The following NUP188 variants were observed in gnomAD, a reference collection of about 807,000 sequenced individuals.
The protein encoded by NUP188 is nucleoporin 188.
In NUP188, 97 loss-of-function variants were observed where a neutral mutation model predicts 223.0. The observed-to-expected ratio is 0.43, with a 90% CI of 0.37 to 0.51. NUP188 has a LOEUF of 0.51. NUP188 is among the 20% of genes least tolerant of loss of function. The pLI is 0.00. For synonymous variants in NUP188, 869 were observed against 828.0 expected (o/e 1.05, Z -0.85); for missense variants, 1,947 against 2,175.6 (o/e 0.89, Z 2.09).
intron 1 of NUP188, 100 bp from the exon 2 acceptor site, chr9:128,949,089 G>A: frequency 1.3e-6 from 1 of 771,016 alleles, no homozygotes; most frequent in Non-Finnish European, 2.2e-6. Flanking sequence ...TGTATATTGA[G>A]ATTTTTTGCT....
intron 12 of NUP188, among the ~76,000 whole-genome samples, chr9:128,975,226 C>CTTTTTTTTTTTTTTTT (rs540828761): frequency 1.5e-5 from 2 of 131,872 alleles, no homozygotes; most frequent in African/African-American, 6.0e-5. Context: ...TTTTCTTTTC[C>CTTTTTTTTTTTTTTTT]TTTTTTTTTT....
At chr9:128,979,434 C>A in intron 13 of NUP188, 107 bp downstream of exon 13, 1 of 733,866 alleles carries the variant, frequency 1.4e-6, no homozygotes, top group East Asian at 2.8e-5. Context: ...ATTTAATCTT[C>A]ATAAAAACGT....
rs377283804 is a variant in NUP188, at chr9:129,005,238, A to G, written c.4509+17A>G. On this transcript the variant is annotated intron_variant, in intron 39 of 43. Coordinates refer to ENST00000372577, the MANE Select transcript of NUP188 (RefSeq NM_015354.3). ...TACTTACAGGTAAGCGTCCTATGCCATGAGGTCCTGGAATACCTCACGCTA... is the reference window on the plus strand; with the variant it reads ...TACTTACAGGTAAGCGTCCTATGCCGTGAGGTCCTGGAATACCTCACGCTA... The G allele has an allele frequency of 3.7e-6, 6 of 1,612,928 alleles. No individual in the cohort carries two copies. In the African/African-American group the frequency reaches 4.0e-5, roughly 11 times the overall value.
At chr9:128,992,263 ATCTC>A (rs1842446926) in intron 25 of NUP188, among the ~76,000 whole-genome samples, 1 of 151,672 alleles carries the variant, frequency 6.6e-6, no homozygotes, top group Non-Finnish European at 1.5e-5. Flanking sequence ...CTGTGGCATG[ATCTC>A]ACTGCAGCCT....
In NUP188 at chr9:128,995,384, A is replaced by G. The variant is rs566820476; in HGVS notation, c.3221A>G (p.Tyr1074Cys). The change falls in exon 30 of 44, where the codon TAC becomes TGC. Residue 1074 changes from tyrosine to cysteine, a missense_variant. Around this residue, in one of 3 missense-constraint regions of NUP188, gnomAD observed 905 missense variants for 990.6 expected, o/e 0.91. Coordinates refer to ENST00000372577, the MANE Select transcript of NUP188 (RefSeq NM_015354.3). The part of the protein sequence containing the change: ...KKFSIEKRFA[Y>C]WSGYVKSLAV... ...TTTTCCATCGAGAAACGCTTTGCCT[A>G]CTGGTCAGGGTATGTCAAGTCATTG... 7.1e-5 allele frequency: 115 copies of G among 1,614,162 alleles called. No individual in the cohort carries two copies. The highest frequency in any genetic ancestry group is 9.1e-5 in the Non-Finnish European group (107 of 1,179,996).
chr9:128,972,051 T>C (rs538118704), intron 11 of NUP188, among the ~76,000 whole-genome samples: 38 of 151,824 alleles, frequency 2.5e-4, no homozygotes, highest in African/African-American at 8.0e-4. Flanking sequence ...GGATTACAGG[T>C]GTGAGCCACC....
intron 33 of NUP188, 112 bp from the exon 34 acceptor site, chr9:128,999,511 GT>G (rs1842599343): frequency 8.1e-7 from 1 of 1,229,632 alleles, no homozygotes; most frequent in South Asian, 1.4e-5. Context: ...GACAGATGCT[GT>G]CCCTCCTAGC....
chr9:129,001,410 G>A, intron 34 of NUP188, 119 bp from the exon 35 acceptor site: 1 of 810,642 alleles, frequency 1.2e-6, no homozygotes, highest in Non-Finnish European at 2.1e-6. Flanking sequence ...TGTTACTCAA[G>A]CTCACTTAGC....
chr9:129,006,839 T>C lies in NUP188; in HGVS notation c.*161T>C. The C allele has an allele frequency of 1.5e-6, 1 of 666,520 alleles. No individual in the cohort carries two copies. Among genetic ancestry groups the C allele is most frequent in the Non-Finnish European group, 2.4e-6 (1 of 416,232 alleles). The allele number at this position is 666,520 out of a possible 1,614,324, so 41.3% of individuals were successfully genotyped here. ...CCAGCCACCACCCACTGACGTTATT[T>C]TTATACTAGATGAAGAGGTCAACAG... is the stretch of plus-strand genomic sequence containing the variant. On this transcript the variant is annotated 3_prime_UTR_variant, in exon 44 of 44. Transcript: ENST00000372577.
chr9:128,993,283 T>G lies in NUP188; in HGVS notation c.2727T>G (p.Ile909Met). Residue 909 changes from isoleucine (I) to methionine (M), a missense_variant, in exon 26 of 44, where the codon ATT becomes ATG. Around this residue, in one of 3 missense-constraint regions of NUP188, gnomAD observed 225 missense variants for 319.1 expected, o/e 0.71. Coordinates refer to ENST00000372577, the MANE Select transcript of NUP188 (RefSeq NM_015354.3). ...DAFLTRLQSK[I>M]EDMRIKVMIL... ...TCCTGACCCGATTGCAGAGCAAAATTGAGGACATGCGCATCAAAGTCATGA... is the reference window on the plus strand; with the variant it reads ...TCCTGACCCGATTGCAGAGCAAAATGGAGGACATGCGCATCAAAGTCATGA... 6.2e-7 allele frequency: 1 copy of G among 1,614,184 alleles called. No homozygotes were observed. The highest frequency in any genetic ancestry group is 8.5e-7 in the Non-Finnish European group (1 of 1,180,020).
chr9:129,003,183 G>T, intron 37 of NUP188, 134 bp from the exon 38 acceptor site: 2 of 1,208,714 alleles, frequency 1.7e-6, no homozygotes, highest in Non-Finnish European at 2.3e-6. Context: ...AATCCTGGTT[G>T]TACCACTAAG....
rs773445054 is a variant in NUP188, at chr9:128,980,612, A to G, written c.1276A>G (p.Thr426Ala). The G allele has an allele frequency of 1.2e-6, 2 of 1,611,902 alleles. No homozygotes were observed. Among genetic ancestry groups the G allele is most frequent in the South Asian group, 1.1e-5 (1 of 90,590 alleles). ...LPELFWGTEP[T>A]SGLGIILDSV... is the part of the protein sequence containing the mutation. ...TTGTCCCCTTCCACCACAGGAGCCA[A>G]CTTCTGGCCTTGGGATCATTCTGGA... Residue 426 changes from threonine (T) to alanine (A), a missense_variant, in exon 14 of 44, where the codon ACT becomes GCT. Transcript: ENST00000372577.
chr9:128,990,098 A>T, intron 24 of NUP188, 22 bp from the exon 25 acceptor site: 1 of 1,561,450 alleles, frequency 6.4e-7, no homozygotes, highest in Non-Finnish European at 8.8e-7. Flanking sequence ...TGATATCTAA[A>T]CTGTTTCCTG....
chr9:128,968,010 C>T (rs538551464), intron 8 of NUP188, among the ~76,000 whole-genome samples: 97 of 152,170 alleles, frequency 6.4e-4, no homozygotes, highest in African/African-American at 2.0e-3. Context: ...GCCTTTAATC[C>T]CAGTGCTTTG....
Position 129,005,193 on chromosome 9 carries a change from G to A in NUP188, c.4481G>A (p.Ser1494Asn). The change falls in exon 39 of 44, where the codon AGT becomes AAT. Residue 1494 changes from serine to asparagine, a missense_variant. Ser to Asn is a conservative substitution (Grantham distance 46, BLOSUM62 1). This residue lies in a region of NUP188 where 905 missense variants were observed against 990.6 expected (regional missense o/e 0.91). Transcript: ENST00000372577. ...CAGGCATGTACCTCTCTCCTGCACA[G>A]TCGAAAGATGCTGCAGCATTACTTA... ...LCQACTSLLH[S>N]RKMLQHYLQN... 6.2e-7 allele frequency: 1 copy of A among 1,614,128 alleles called. No homozygotes were observed. Among genetic ancestry groups the A allele is most frequent in the South Asian group, 1.1e-5 (1 of 91,076 alleles).
chr9:128,985,826 A>T (rs1842324798), intron 20 of NUP188, among the ~76,000 whole-genome samples: 1 of 152,126 alleles, frequency 6.6e-6, no homozygotes, highest in Non-Finnish European at 1.5e-5. Context: ...CCTGAGGCTG[A>T]TCAGGAGTTT....
At chr9:128,973,125 C>G in intron 11 of NUP188, 35 bp from the exon 12 acceptor site, 2 of 1,402,194 alleles carry the variant, frequency 1.4e-6, no homozygotes. Context: ...AGTTGTATTA[C>G]TCAGAATGAT....
intron 25 of NUP188, 50 bp downstream of exon 25, chr9:128,990,276 T>TC: frequency 7.1e-7 from 1 of 1,414,154 alleles, no homozygotes; most frequent in Non-Finnish European, 1.0e-6. Flanking sequence ...GGTGTTTTTT[T>TC]CCCCCTGATT....
chr9:128,956,828 A>C (rs1290245500), intron 4 of NUP188, 124 bp from the exon 5 acceptor site: 1 of 624,792 alleles, frequency 1.6e-6, no homozygotes, highest in Admixed American at 3.3e-5. Flanking sequence ...ATGTTTTATG[A>C]ATCTTTGAGA....
Sources: gnomAD v4.1 joint callset for allele counts (sites outside exome capture counted in the v4.1 genomes callset) on GRCh38, gnomAD v4.1.1 for gene constraint, gnomAD v4.1.1 regional missense constraint, MANE v1.5 for transcripts, NCBI Gene and HGNC (gene_info 2026-07-23, HGNC 2026-07-21) for gene names.